TSPAN13: variants seen among roughly 807,000 people sequenced by gnomAD.
The protein encoded by TSPAN13 is tetraspanin 13.
In TSPAN13, 18 loss-of-function variants were observed where a neutral mutation model predicts 26.9. That is an observed-to-expected ratio of 0.67 (90% CI 0.46 to 0.99). The LOEUF is 0.99. TSPAN13 is among the 50% of genes least tolerant of loss of function. The pLI, the probability that TSPAN13 is intolerant of heterozygous loss-of-function variation, is 0.00. For missense variants in TSPAN13, 201 were observed against 249.6 expected, an observed-to-expected ratio of 0.81 and a Z score of 1.31; for synonymous variants, 116 against 98.4, an observed-to-expected ratio of 1.18 and a Z score of -1.06.
At chr7:16,757,255 T>G (rs1232769638) in intron 1 of TSPAN13, among the ~76,000 whole-genome samples, 1 of 152,212 alleles carries the variant, frequency 6.6e-6, no homozygotes, top group African/African-American at 2.4e-5. Flanking sequence ...TTGATACCAT[T>G]TAGGATATAC....
intron 1 of TSPAN13, among the ~76,000 whole-genome samples, chr7:16,767,027 A>G (rs1784611983): frequency 6.6e-6 from 1 of 152,110 alleles, no homozygotes; most frequent in South Asian, 2.1e-4. Context: ...ACTGCAGCCC[A>G]GGACTCCTGG....
rs1007426581 is a variant in TSPAN13, at chr7:16,783,604, T to C, written c.*113T>C. ...AGGAAACACTATCTGGAAAAGTACC[T>C]TATTGATAGTGGAATTATATATTTT... On this transcript the variant is annotated 3_prime_UTR_variant, in exon 6 of 6. Coordinates refer to ENST00000262067, the MANE Select transcript of TSPAN13 (RefSeq NM_014399.4). 4.4e-6 allele frequency: 4 copies of C among 899,000 alleles called. No homozygotes were observed. In the African/African-American group the frequency reaches 6.6e-5, roughly 15 times the overall value. 55.7% of individuals were successfully genotyped at this position (899,000 alleles called of 1,614,324 possible).
intron 5 of TSPAN13, 64 bp from the exon 6 acceptor site, chr7:16,783,353 C>G (rs1784834783): frequency 2.7e-6 from 4 of 1,481,100 alleles, no homozygotes; most frequent in Admixed American, 1.8e-5. Flanking sequence ...TATTGATCAA[C>G]TGAATAAATA....
intron 1 of TSPAN13, among the ~76,000 whole-genome samples, chr7:16,758,399 C>T (rs1439662693): frequency 2.0e-5 from 3 of 152,180 alleles, no homozygotes; most frequent in East Asian, 1.9e-4. Flanking sequence ...ATTTTTCAGT[C>T]GTCCCCTCAT....
At chr7:16,766,591 C>T (rs1399475302) in intron 1 of TSPAN13, among the ~76,000 whole-genome samples, 3 of 152,188 alleles carry the variant, frequency 2.0e-5, no homozygotes, top group Admixed American at 1.3e-4. Flanking sequence ...ATTCCCAAGC[C>T]TCCTCTTTCC....
chr7:16,779,037 G>A lies in TSPAN13; in HGVS notation c.461G>A (p.Cys154Tyr). Residue 154 changes from cysteine (C) to tyrosine (Y), a missense_variant, in exon 5 of 6, where the codon TGT becomes TAT. Cys to Tyr is a radical substitution (Grantham distance 194). Coordinates refer to ENST00000262067, the MANE Select transcript of TSPAN13 (RefSeq NM_014399.4). The part of the protein sequence containing the change: ...CVKSDHSCSP[C>Y]APIIGEYAGE... ...AAAAGTGACCACTCGTGCTCGCCAT[G>A]TGCTCCAATCATAGGAGAATATGCT... 6.2e-7 allele frequency: 1 copy of A among 1,614,082 alleles called. No homozygotes were observed. The highest frequency in any genetic ancestry group is 8.5e-7 in the Non-Finnish European group (1 of 1,179,968).
In TSPAN13 at chr7:16,771,329, T is replaced by A. The variant is rs572474983; in HGVS notation, c.64-4882T>A. ...TTGCCCATGTTCCAAGAACCCTCTG[T>A]GGTGGGCTAAATAACCACACACTCC... On this transcript the variant is annotated intron_variant, in intron 1 of 5. Coordinates refer to ENST00000262067, the MANE Select transcript of TSPAN13 (RefSeq NM_014399.4). Among the ~76,000 whole-genome samples, 6 of 152,368 alleles carry A rather than the reference T, an allele frequency of 3.9e-5. No homozygotes were observed. In the East Asian group the frequency reaches 9.6e-4, roughly 24 times the overall value.
chr7:16,759,765 C>T (rs1306069779), intron 1 of TSPAN13, among the ~76,000 whole-genome samples: 1 of 149,748 alleles, frequency 6.7e-6, no homozygotes, highest in African/African-American at 2.5e-5. Flanking sequence ...CAGCTCACTG[C>T]CAGAGAGCTG....
At chr7:16,764,120 C>T (rs1202269102) in intron 1 of TSPAN13, among the ~76,000 whole-genome samples, 3 of 152,138 alleles carry the variant, frequency 2.0e-5, no homozygotes, top group Admixed American at 6.5e-5. Context: ...CGGGTTCAAG[C>T]GATTCTCCTG....
In TSPAN13 at chr7:16,783,492, T is replaced by G. The variant is rs17136588; in HGVS notation, c.*1T>G. ...CGCGAATCCTAGTGCATTCCTTTGA[T>G]GAGAAAACAAGGAAGATTTCCTTTC... On this transcript the variant is annotated 3_prime_UTR_variant, in exon 6 of 6. Coordinates refer to ENST00000262067, the MANE Select transcript of TSPAN13 (RefSeq NM_014399.4). 0.086 allele frequency: 139,407 copies of G among 1,612,530 alleles called. 6,421 individuals carry two copies. Among genetic ancestry groups the G allele is most frequent in the East Asian group, 0.13 (6,043 of 44,880 alleles).
intron 1 of TSPAN13, among the ~76,000 whole-genome samples, chr7:16,773,749 T>A (rs1054331463): frequency 1.3e-5 from 2 of 152,234 alleles, no homozygotes; most frequent in African/African-American, 4.8e-5. Context: ...ATTTAAAGAA[T>A]CTTTTAAAGA....
intron 1 of TSPAN13, among the ~76,000 whole-genome samples, chr7:16,761,690 ATT>A (rs35451307): frequency 0.022 from 2,095 of 93,404 alleles, 48 homozygotes; most frequent in African/African-American, 0.075. Flanking sequence ...CAGCTAATTA[ATT>A]TTTTTTTTTT....
At chr7:16,776,902 T>C (rs960414321) in intron 2 of TSPAN13, 140 bp from the exon 3 acceptor site, 1 of 474,916 alleles carries the variant, frequency 2.1e-6, no homozygotes, top group Admixed American at 3.7e-5. Context: ...TGTATCCTTT[T>C]TGAACTTTCT....
intron 3 of TSPAN13, 150 bp from the exon 4 acceptor site, chr7:16,777,648 C>T: frequency 4.1e-6 from 2 of 483,578 alleles, no homozygotes; most frequent in Non-Finnish European, 3.5e-6. Flanking sequence ...TTAATTTTTG[C>T]TGCAAACTGA....
chr7:16,770,480 G>A (rs1375330305), intron 1 of TSPAN13, among the ~76,000 whole-genome samples: 2 of 152,206 alleles, frequency 1.3e-5, no homozygotes, highest in Non-Finnish European at 2.9e-5. Context: ...AAAGTGTTGG[G>A]ATTACAGGCG....
chr7:16,776,502 G>A, intron 2 of TSPAN13, 124 bp downstream of exon 2: 1 of 884,068 alleles, frequency 1.1e-6, no homozygotes, highest in South Asian at 1.9e-5. Flanking sequence ...ATGCATATTT[G>A]TTCAAGAACT....
Position 16,753,858 on chromosome 7 carries a change from C to A in TSPAN13, c.-110C>A. ...GGCCCCGGCCCCCCACCCACGTCTG[C>A]GTTGCTGCCCCGCCTGGGCCAGGCC... On this transcript the variant is annotated 5_prime_UTR_variant, in exon 1 of 6. Coordinates refer to ENST00000262067, the MANE Select transcript of TSPAN13 (RefSeq NM_014399.4). The A allele has an allele frequency of 8.3e-7, 1 of 1,205,056 alleles. No individual in the cohort carries two copies. Among genetic ancestry groups the A allele is most frequent in the Non-Finnish European group, 1.2e-6 (1 of 835,334 alleles). The allele number at this position is 1,205,056 out of a possible 1,614,324, so 74.6% of individuals were successfully genotyped here.
intron 1 of TSPAN13, among the ~76,000 whole-genome samples, chr7:16,758,146 G>A (rs552061086): frequency 1.3e-4 from 20 of 152,060 alleles, no homozygotes; most frequent in East Asian, 1.2e-3. Context: ...AAATGCTCCC[G>A]GCCTGGGATG....
At chr7:16,781,214 G>A (rs759525923) in intron 5 of TSPAN13, among the ~76,000 whole-genome samples, 34 of 152,122 alleles carry the variant, frequency 2.2e-4, no homozygotes, top group Non-Finnish European at 4.3e-4. Flanking sequence ...ATTAGACGTA[G>A]CTACTAAAAT....
Sources: gnomAD v4.1 joint callset for allele counts (sites outside exome capture counted in the v4.1 genomes callset) on GRCh38, gnomAD v4.1.1 for gene constraint, MANE v1.5 for transcripts, NCBI Gene and HGNC (gene_info 2026-07-23, HGNC 2026-07-21) for gene names.